The following MEOX2 variants were observed in gnomAD, a reference collection of about 807,000 sequenced individuals.
The protein encoded by MEOX2 is mesenchyme homeobox 2.
Under a neutral mutation model 27.0 loss-of-function variants are expected in MEOX2, and 11 were observed. The ratio of observed to expected loss-of-function variants is 0.41; its 90% CI spans 0.26 to 0.68. MEOX2 has a LOEUF of 0.68. Ranked by LOEUF, MEOX2 falls within the 30% of genes least tolerant of loss-of-function variation. MEOX2 has a pLI of 0.33. For missense variants in MEOX2, 436 were observed against 385.4 expected (o/e 1.13, Z -1.10); for synonymous variants, 189 against 155.4 (o/e 1.22, Z -1.61).
At position 15,627,054 on chromosome 7, in the gene MEOX2, A is replaced by T. The variant is rs1399448191; in HGVS notation, c.518-136T>A. ...GAACAAATAGAGACCAAAGACAGCA[A>T]GACTGACGGCAGCTCAACGGGGGGA... On this transcript the variant is annotated intron_variant, in intron 1 of 2. Coordinates refer to ENST00000262041, the MANE Select transcript of MEOX2 (RefSeq NM_005924.5). 4.1e-6 allele frequency: 3 copies of T among 730,114 alleles called. No individual in the cohort carries two copies. In the South Asian group the frequency reaches 7.0e-5, roughly 17 times the overall value. 45.2% of individuals were successfully genotyped at this position (730,114 alleles called of 1,614,324 possible). A position where few individuals can be genotyped will look rare whatever the true frequency, so the allele number is the denominator to read the frequency against.
chr7:15,681,779 A>T (rs1344681288), intron 1 of MEOX2: 1 of 151,774 alleles, frequency 6.6e-6, no homozygotes, highest in Non-Finnish European at 1.5e-5. Flanking sequence ...ATAAACAAAG[A>T]TTAAAACTTT....
intron 1 of MEOX2, among the ~76,000 whole-genome samples, chr7:15,651,186 G>A (rs1781728019): frequency 6.6e-6 from 1 of 152,054 alleles, no homozygotes; most frequent in African/African-American, 2.4e-5. Flanking sequence ...AGGTTTGAAT[G>A]TCTAACTTTG....
chr7:15,649,346 G>C (rs1172071428), intron 1 of MEOX2, among the ~76,000 whole-genome samples: 1 of 151,998 alleles, frequency 6.6e-6, no homozygotes, highest in Non-Finnish European at 1.5e-5. Flanking sequence ...GGAGACATCA[G>C]AAATGGACAA....
chr7:15,657,841 C>T (rs1288741961), intron 1 of MEOX2, among the ~76,000 whole-genome samples: 1 of 152,158 alleles, frequency 6.6e-6, no homozygotes, highest in East Asian at 1.9e-4. Context: ...TTTAAACCTT[C>T]TGTTTCAGCA....
At position 15,675,548 on chromosome 7, in the gene MEOX2, A is replaced by C. The variant is rs61022466; in HGVS notation, c.517+10338T>G. 8.7e-3 allele frequency among the ~76,000 whole-genome samples: 1,327 copies of C among 152,318 alleles called. 23 individuals are homozygous for C. The highest frequency in any genetic ancestry group is 0.03 in the African/African-American group (1,260 of 41,562). ...CACTAGGCTGAAGTCAGGATATGGA[A>C]GCTCAGCTGCCACTACTTGGCTGAA... On this transcript the variant is annotated intron_variant, in intron 1 of 2. Coordinates refer to ENST00000262041, the MANE Select transcript of MEOX2 (RefSeq NM_005924.5).
chr7:15,615,422 T>A (rs1781106410), intron 2 of MEOX2, among the ~76,000 whole-genome samples: 1 of 81,440 alleles, frequency 1.2e-5, no homozygotes, highest in African/African-American at 4.7e-5. Context: ...TTTTAAAGCA[T>A]TTGTAATAAA....
intron 2 of MEOX2, among the ~76,000 whole-genome samples, chr7:15,613,158 T>G (rs7783223): frequency 0.68 from 102,871 of 151,908 alleles, 35,072 homozygotes; most frequent in East Asian, 0.81. Flanking sequence ...TGAACTCTTC[T>G]TTTTATTTTC....
At chr7:15,651,306 T>A (rs1382883132) in intron 1 of MEOX2, among the ~76,000 whole-genome samples, 2 of 152,044 alleles carry the variant, frequency 1.3e-5, no homozygotes, top group East Asian at 3.9e-4. Flanking sequence ...AATATATATA[T>A]CCAGTATTGT....
At chr7:15,679,553 C>G (rs899455639) in intron 1 of MEOX2, 5 of 151,920 alleles carry the variant, frequency 3.3e-5, no homozygotes, top group African/African-American at 1.2e-4. Context: ...GAATTTAGAG[C>G]TATAATCAGT....
intron 1 of MEOX2, among the ~76,000 whole-genome samples, chr7:15,671,872 T>C (rs557802146): frequency 6.6e-6 from 1 of 152,152 alleles, no homozygotes; most frequent in East Asian, 1.9e-4. Context: ...GCCTGGCCAA[T>C]ATGGTCTCTA....
chr7:15,633,208 T>A (rs369471932), intron 1 of MEOX2, among the ~76,000 whole-genome samples: 1 of 151,856 alleles, frequency 6.6e-6, no homozygotes, highest in African/African-American at 2.4e-5. Context: ...TAATACTTGT[T>A]TTCACACTTA....
Position 15,683,074 on chromosome 7 carries a change from G to A in MEOX2, c.517+2812C>T, listed in dbSNP as rs112540011. On this transcript the variant is annotated intron_variant, in intron 1 of 2. Coordinates refer to ENST00000262041, the MANE Select transcript of MEOX2 (RefSeq NM_005924.5). Reference sequence around the variant, plus strand: ...GTCCATGTGCATTTGTGGAGGGAAAGTGCATAAAATATATGCTAGAGAAGC... The same window carrying A: ...GTCCATGTGCATTTGTGGAGGGAAAATGCATAAAATATATGCTAGAGAAGC... Among the ~76,000 whole-genome samples, 215 of 152,102 alleles carry A rather than the reference G, an allele frequency of 1.4e-3. 1 individual carries two copies. Among genetic ancestry groups the A allele is most frequent in the Middle Eastern group, 6.8e-3 (2 of 294 alleles).
chr7:15,684,728 A>G (rs2115400237), intron 1 of MEOX2, among the ~76,000 whole-genome samples: 1 of 152,386 alleles, frequency 6.6e-6, no homozygotes, highest in Non-Finnish European at 1.5e-5. Context: ...CCAATTCCAC[A>G]GAGGAAGAAA....
At chr7:15,640,059 A>T (rs575163346) in intron 1 of MEOX2, among the ~76,000 whole-genome samples, 6 of 152,266 alleles carry the variant, frequency 3.9e-5, no homozygotes, top group African/African-American at 1.4e-4. Context: ...TTGAATCTGT[A>T]GATCACTTTG....
intron 1 of MEOX2, among the ~76,000 whole-genome samples, chr7:15,663,986 A>G (rs1012315161): frequency 6.6e-6 from 1 of 152,244 alleles, no homozygotes; most frequent in African/African-American, 2.4e-5. Context: ...AAGTTTATCA[A>G]ATCTTGAGAG....
At chr7:15,676,253 C>A (rs1015341781) in intron 1 of MEOX2, 2 of 152,102 alleles carry the variant, frequency 1.3e-5, no homozygotes, top group Non-Finnish European at 2.9e-5. Flanking sequence ...AAAATATGTT[C>A]TTTGTAAAAA....
chr7:15,680,325 T>A (rs1003480917), intron 1 of MEOX2: 2 of 151,966 alleles, frequency 1.3e-5, no homozygotes, highest in African/African-American at 2.4e-5. Flanking sequence ...CTTTAAAAAA[T>A]TCAATATTTT....
intron 1 of MEOX2, among the ~76,000 whole-genome samples, chr7:15,641,638 G>A (rs1781561630): frequency 6.6e-6 from 1 of 152,060 alleles, no homozygotes; most frequent in Non-Finnish European, 1.5e-5. Flanking sequence ...GATATGGGAG[G>A]TTTTGTTCCT....
At chr7:15,639,240 A>C (rs1781526474) in intron 1 of MEOX2, among the ~76,000 whole-genome samples, 1 of 152,084 alleles carries the variant, frequency 6.6e-6, no homozygotes, top group Non-Finnish European at 1.5e-5. Context: ...GATGTTGAGC[A>C]TGTTTTCATA....
Sources: gnomAD v4.1 joint callset for allele counts (sites outside exome capture counted in the v4.1 genomes callset) on GRCh38, gnomAD v4.1.1 for gene constraint, MANE v1.5 for transcripts, NCBI Gene and HGNC (gene_info 2026-07-23, HGNC 2026-07-21) for gene names.